The following PPFIA3 variants were observed in gnomAD, a reference collection of about 807,000 sequenced individuals.
PPFIA3 encodes liprin-alpha-3.
Under a neutral mutation model 145.8 loss-of-function variants are expected in PPFIA3, and 26 were observed. That is an observed-to-expected ratio of 0.18 (90% CI 0.13 to 0.25). The LOEUF is 0.25. Among genes scored for constraint, PPFIA3 ranks in the 10% least tolerant of loss-of-function variants. The pLI is 1.00. For missense variants in PPFIA3, 1,008 were observed against 1,587.8 expected (o/e 0.63, Z 6.21); for synonymous variants, 645 against 661.4 (o/e 0.98, Z 0.38).
At position 49,149,408 on chromosome 19, in the gene PPFIA3, AT is replaced by A. The variant is rs1385680411; in HGVS notation, c.3354+84del. ...CTGAGGGGGCGGGGCCTGACTATTA[AT>A]GGTCACGGTTGGAGGCGGGGCCAGG... On this transcript the variant is annotated intron_variant, in intron 27 of 29. Coordinates refer to ENST00000334186, the MANE Select transcript of PPFIA3 (RefSeq NM_003660.4). This position sits in a 1 kb window ranked among gnomAD's most constrained non-coding sequence, Gnocchi z 5.7. 9 of 1,585,880 alleles carry A rather than the reference AT, an allele frequency of 5.7e-6. No homozygotes were observed. The highest frequency in any genetic ancestry group is 6.1e-6 in the Non-Finnish European group (7 of 1,155,282).
At chr19:49,148,557 G>A (rs1422014528) in intron 24 of PPFIA3, 109 bp from the exon 25 acceptor site, 2 of 910,430 alleles carry the variant, frequency 2.2e-6, no homozygotes, top group Non-Finnish European at 3.5e-6. Flanking sequence ...GAACTTATCA[G>A]CTCCCCACCC....
rs771712969 is a variant in PPFIA3, at chr19:49,134,120, C to T, written c.1332C>T (p.Arg444=). ...VDKLLSESNE[R]LQLHLKERMG... is the part of the protein sequence containing the mutation. Reference sequence around the variant, plus strand: ...AGCTGCTGAGCGAGTCCAACGAGCGCTTACAGCTTCACCTCAAGGAGCGCA... The same window carrying T: ...AGCTGCTGAGCGAGTCCAACGAGCGTTTACAGCTTCACCTCAAGGAGCGCA... Residue 444 remains arginine, a synonymous_variant, in exon 11 of 30, where the codon CGC becomes CGT. Transcript: ENST00000334186. 3 of 1,613,968 alleles carry T rather than the reference C, an allele frequency of 1.9e-6. No individual in the cohort carries two copies. Among genetic ancestry groups the T allele is most frequent in the African/African-American group, 1.3e-5 (1 of 75,044 alleles).
intron 16 of PPFIA3, 97 bp from the exon 17 acceptor site, chr19:49,139,571 G>A (rs1456453181): frequency 7.6e-7 from 1 of 1,322,472 alleles, no homozygotes; most frequent in African/African-American, 1.5e-5. Context: ...CTAAACCAGG[G>A]TCACCCCACA....
chr19:49,145,094 C>A (rs774026858), intron 21 of PPFIA3, among the ~76,000 whole-genome samples: 3 of 152,140 alleles, frequency 2.0e-5, no homozygotes, highest in Middle Eastern at 6.8e-3. Flanking sequence ...CCATGCCCAG[C>A]TAATTTTTGT....
Position 49,130,273 on chromosome 19 carries a change from C to T in PPFIA3, c.658-105C>T. On this transcript the variant is annotated intron_variant, in intron 6 of 29. Transcript: ENST00000334186. The surrounding 1 kb of genome is among the most constrained non-coding windows in gnomAD (Gnocchi z 4.5). ...CCCGTGGACTCTGACCAGCATGATCCTTATTGATCTTTGATCTACTTTCAG... is the reference window on the plus strand; with the variant it reads ...CCCGTGGACTCTGACCAGCATGATCTTTATTGATCTTTGATCTACTTTCAG... 7.9e-7 allele frequency: 1 copy of T among 1,261,108 alleles called. No individual in the cohort carries two copies. Among genetic ancestry groups the T allele is most frequent in the Non-Finnish European group, 1.1e-6 (1 of 914,282 alleles). 78.1% of individuals were successfully genotyped at this position (1,261,108 alleles called of 1,614,324 possible). A position where few individuals can be genotyped will look rare whatever the true frequency, so the allele number is the denominator to read the frequency against.
intron 23 of PPFIA3, 118 bp downstream of exon 23, chr19:49,146,310 G>A: frequency 7.6e-7 from 1 of 1,312,138 alleles, no homozygotes; most frequent in Non-Finnish European, 1.1e-6. Context: ...CCATGGGGGG[G>A]CGCTGCGCCA....
At chr19:49,121,533 T>C (rs2040936141) in intron 1 of PPFIA3, among the ~76,000 whole-genome samples, 1 of 152,032 alleles carries the variant, frequency 6.6e-6, no homozygotes, top group South Asian at 2.1e-4. Flanking sequence ...TCCCAGCACT[T>C]TGGGAGGCTG....
Position 49,149,992 on chromosome 19 carries a change from T to C in PPFIA3, c.3527-88T>C. 1 of 1,440,074 alleles carries C rather than the reference T, an allele frequency of 6.9e-7. No homozygotes were observed. The highest frequency in any genetic ancestry group is 1.2e-5 in the South Asian group (1 of 80,272). The allele number at this position is 1,440,074 out of a possible 1,614,324, so 89.2% of individuals were successfully genotyped here. A position where few individuals can be genotyped will look rare whatever the true frequency, so the allele number is the denominator to read the frequency against. On this transcript the variant is annotated intron_variant, in intron 28 of 29. Coordinates refer to ENST00000334186, the MANE Select transcript of PPFIA3 (RefSeq NM_003660.4). The surrounding 1 kb of genome is among the most constrained non-coding windows in gnomAD (Gnocchi z 5.7). ...GTGGAGCCCGGCGATCGTTGTGACATCGGGAAGGGAAGTCCAAAGGGAGGA... is the reference window on the plus strand; with the variant it reads ...GTGGAGCCCGGCGATCGTTGTGACACCGGGAAGGGAAGTCCAAAGGGAGGA...
At chr19:49,129,821 G>C (rs1287387466) in intron 5 of PPFIA3, among the ~76,000 whole-genome samples, 172 bp from the exon 6 acceptor site, 1 of 152,172 alleles carries the variant, frequency 6.6e-6, no homozygotes, top group East Asian at 1.9e-4. Flanking sequence ...GCTAAGGAGG[G>C]ATATAAGGAG....
intron 19 of PPFIA3, 70 bp downstream of exon 19, chr19:49,141,583 CGTGTATGTGT>C: frequency 6.6e-6 from 8 of 1,218,880 alleles, no homozygotes; most frequent in Non-Finnish European, 9.5e-6. Flanking sequence ...TGTGTGTGTG[CGTGTATGTGT>C]GTGTATGAGT....
In PPFIA3 at chr19:49,133,529, G is replaced by C. The variant is rs1441743680; in HGVS notation, c.1161+158G>C. Among the ~76,000 whole-genome samples, 1 of 152,192 alleles carries C rather than the reference G, an allele frequency of 6.6e-6. No individual in the cohort carries two copies. Among genetic ancestry groups the C allele is most frequent in the African/African-American group, 2.4e-5 (1 of 41,454 alleles). On this transcript the variant is annotated intron_variant, in intron 9 of 29. Transcript: ENST00000334186. The surrounding 1 kb of genome is among the most constrained non-coding windows in gnomAD (Gnocchi z 7.2). The stretch of plus-strand genomic sequence containing the variant: ...TGGGAAAGGGACAGGACTTGGAATG[G>C]GGAGGGCCTGGAGGTTTGCGCGGGG...
rs544138861 is a variant in PPFIA3 at position 49,125,609 on chromosome 19, A to G, written c.-15-2250A>G. ...GGGCTGGGGTTGGTGGGAGCGTCCC[A>G]GAACTCCTGGGTCCTGGAGGAGGAG... On this transcript the variant is annotated intron_variant, in intron 1 of 29. Coordinates refer to ENST00000334186, the MANE Select transcript of PPFIA3 (RefSeq NM_003660.4). Among the ~76,000 whole-genome samples, 1,331 of 152,248 alleles carry G rather than the reference A, an allele frequency of 8.7e-3. 7 individuals carry two copies. The highest frequency in any genetic ancestry group is 0.014 in the Non-Finnish European group (934 of 68,016).
At chr19:49,144,579 T>A (rs930117845) in intron 21 of PPFIA3, among the ~76,000 whole-genome samples, 11 of 151,972 alleles carry the variant, frequency 7.2e-5, no homozygotes, top group Admixed American at 1.3e-4. Context: ...TCGGGTGTGG[T>A]GGCGTATACC....
intron 1 of PPFIA3, among the ~76,000 whole-genome samples, chr19:49,127,143 G>GGA (rs995967572): frequency 1.3e-4 from 19 of 151,110 alleles, no homozygotes; most frequent in African/African-American, 4.6e-4. Context: ...CAGCACTTTG[G>GGA]GAGGCCGAGG....
chr19:49,130,404 C>T lies in PPFIA3; in HGVS notation c.684C>T (p.Gly228=), dbSNP rs1401524748. The change falls in exon 7 of 30, where the codon GGC becomes GGT. Residue 228 remains glycine, a synonymous_variant. Transcript: ENST00000334186. The surrounding 1 kb of genome is among the most constrained non-coding windows in gnomAD (Gnocchi z 4.5). ...GQTLANGLGP[G]GDSNRRTAEL... ...CTCTTGCCAATGGCCTGGGTCCTGG[C>T]GGGGATTCCAACCGGCGCACAGCAG... The T allele has an allele frequency of 9.3e-6, 15 of 1,609,000 alleles. No homozygotes were observed. The highest frequency in any genetic ancestry group is 1.7e-5 in the Admixed American group (1 of 59,424).
rs1181547577 is a variant in PPFIA3 at position 49,130,610 on chromosome 19, C to G, written c.879+11C>G. ...CGCGACCTCAAGGAGGTGAGGCCCC[C>G]AGGGAGGCGGGCTGCCCTGGGTCCC... On this transcript the variant is annotated intron_variant, in intron 7 of 29. Coordinates refer to ENST00000334186, the MANE Select transcript of PPFIA3 (RefSeq NM_003660.4). The surrounding 1 kb of genome is among the most constrained non-coding windows in gnomAD (Gnocchi z 4.5). The G allele has an allele frequency of 7.1e-6, 11 of 1,548,032 alleles. No homozygotes were observed. Among genetic ancestry groups the G allele is most frequent in the Non-Finnish European group, 9.6e-6 (11 of 1,146,378 alleles).
At chr19:49,146,988 C>T (rs776211278) in intron 23 of PPFIA3, among the ~76,000 whole-genome samples, 3 of 152,072 alleles carry the variant, frequency 2.0e-5, no homozygotes, top group South Asian at 2.1e-4. Context: ...TCACTGTCCA[C>T]GGAGGAATTA....
chr19:49,132,121 C>T (rs773297280), intron 7 of PPFIA3, among the ~76,000 whole-genome samples: 6 of 147,806 alleles, frequency 4.1e-5, no homozygotes, highest in Non-Finnish European at 9.0e-5. Flanking sequence ...GTGCTGGTTG[C>T]TCATGCCTGT....
intron 20 of PPFIA3, among the ~76,000 whole-genome samples, chr19:49,142,584 C>A (rs112656974): frequency 0.14 from 17,151 of 125,172 alleles, 921 homozygotes; most frequent in African/African-American, 0.19. Context: ...CCCACCCGCC[C>A]CCCGCCCCCC....
Sources: allele counts gnomAD v4.1 joint callset (sites outside exome capture counted in the v4.1 genomes callset), GRCh38; gene constraint gnomAD v4.1.1; non-coding constraint Gnocchi (gnomAD v3.1); transcripts MANE v1.5; gene names NCBI Gene and HGNC (gene_info 2026-07-23, HGNC 2026-07-21).